Variants in HOXA10 observed in about 807,000 individuals in gnomAD.
HOXA10 encodes homeobox protein Hox-A10.
Under a neutral mutation model 29.7 loss-of-function variants are expected in HOXA10, and 12 were observed. The observed-to-expected ratio is 0.40, with a 90% confidence interval of 0.26 to 0.65. HOXA10 has a LOEUF of 0.65. Ranked by LOEUF, HOXA10 falls within the 30% of genes least tolerant of loss-of-function variation. HOXA10 has a pLI of 0.37. For synonymous variants in HOXA10, 327 were observed against 280.7 expected, an observed-to-expected ratio of 1.16 and a Z score of -1.65; for missense variants, 656 against 585.9, an observed-to-expected ratio of 1.12 and a Z score of -1.24.
At position 27,170,878 on chromosome 7, in the gene HOXA10, T is replaced by A. The variant is rs746511841; in HGVS notation, c.*1021A>T. On this transcript the variant is annotated 3_prime_UTR_variant, in exon 2 of 2. Coordinates refer to ENST00000283921, the MANE Select transcript of HOXA10 (RefSeq NM_018951.4). The stretch of plus-strand genomic sequence containing the variant: ...ATGTAACTTCACAGTATAAAGGAAA[T>A]CCAAACAATGTCTCCCTTCTCTAGT... The A allele has an allele frequency of 1.3e-4, 58 of 454,348 alleles. 1 individual carries two copies. The highest frequency in any genetic ancestry group is 8.8e-4 in the South Asian group (57 of 64,474). 28.1% of individuals were successfully genotyped at this position (454,348 alleles called of 1,614,324 possible).
rs1327020844 is a variant in HOXA10, at chr7:27,170,829, T to C, written c.*1070A>G. ...TTTATAGTTTTTTTCTTTTTCTGCA[T>C]CTACAGGTTTGACCCTTTTATGCAT... On this transcript the variant is annotated 3_prime_UTR_variant, in exon 2 of 2. Coordinates refer to ENST00000283921, the MANE Select transcript of HOXA10 (RefSeq NM_018951.4). 1 of 453,828 alleles carries C rather than the reference T, an allele frequency of 2.2e-6. No individual in the cohort carries two copies. Among genetic ancestry groups the C allele is most frequent in the Non-Finnish European group, 4.4e-6 (1 of 226,696 alleles). 28.1% of individuals were successfully genotyped at this position (453,828 alleles called of 1,614,324 possible). A position where few individuals can be genotyped will look rare whatever the true frequency, so the allele number is the denominator to read the frequency against.
In HOXA10 at chr7:27,171,849, G is replaced by C; in HGVS notation, c.*50C>G. 6.3e-7 allele frequency: 1 copy of C among 1,599,564 alleles called. No homozygotes were observed. Among genetic ancestry groups the C allele is most frequent in the Non-Finnish European group, 8.6e-7 (1 of 1,167,082 alleles). ...CCTGGGCAGAGCCTGAAGACAGAGG[G>C]AGGGGACCAGCGCTCGGGAAGTGAA... On this transcript the variant is annotated 3_prime_UTR_variant, in exon 2 of 2. Transcript: ENST00000283921.
chr7:27,172,409 A>C, intron 1 of HOXA10: 1 of 587,710 alleles, frequency 1.7e-6, no homozygotes, highest in Admixed American at 3.0e-5. Flanking sequence ...CACTTTTCCA[A>C]ACACCTGTTT....
chr7:27,172,108 G>A lies in HOXA10; in HGVS notation c.1024C>T (p.Pro342Ser), dbSNP rs774544810. The A allele has an allele frequency of 6.2e-7, 1 of 1,614,130 alleles. No individual in the cohort carries two copies. Among genetic ancestry groups the A allele is most frequent in the Non-Finnish European group, 8.5e-7 (1 of 1,180,002 alleles). ...TCCAGTGTCTGGTGCTTCGTGTAGG[G>A]GCAGCGCTTCTTCCGACCACTCTTT... The part of the protein sequence containing the change: ...TAKSGRKKRC[P>S]YTKHQTLELE... Residue 342 changes from proline (P) to serine (S), a missense_variant, in exon 2 of 2, where the codon CCC (proline) becomes TCC (serine). Around this residue, in one of 2 missense-constraint regions of HOXA10, gnomAD observed 62 missense variants for 94.0 expected, o/e 0.66. Transcript: ENST00000283921.
chr7:27,172,055 C>T lies in HOXA10; in HGVS notation c.1077G>A (p.Met359Ile), dbSNP rs2115450215. Residue 359 changes from methionine to isoleucine, a missense_variant, in exon 2 of 2, where the codon ATG (methionine) becomes ATA (isoleucine). Coordinates refer to ENST00000283921, the MANE Select transcript of HOXA10 (RefSeq NM_018951.4). ...CTAGGCGCCGCTCTCGAGTAAGGTA[C>T]ATATTGAACAGAAACTCCTTCTCCA... ...LELEKEFLFNMYLTRERRLEI... is the reference protein window; with the variant it reads ...LELEKEFLFNIYLTRERRLEI... The T allele has an allele frequency of 6.2e-7, 1 of 1,614,166 alleles. No homozygotes were observed. The highest frequency in any genetic ancestry group is 2.2e-5 in the East Asian group (1 of 44,882).
At position 27,170,872 on chromosome 7, in the gene HOXA10, A is replaced by T; in HGVS notation, c.*1027T>A. On this transcript the variant is annotated 3_prime_UTR_variant, in exon 2 of 2. Coordinates refer to ENST00000283921, the MANE Select transcript of HOXA10 (RefSeq NM_018951.4). Reference sequence around the variant, plus strand: ...TTATGCATGTAACTTCACAGTATAAAGGAAATCCAAACAATGTCTCCCTTC... The same window carrying T: ...TTATGCATGTAACTTCACAGTATAATGGAAATCCAAACAATGTCTCCCTTC... 4.4e-6 allele frequency: 2 copies of T among 454,548 alleles called. No homozygotes were observed. Among genetic ancestry groups the T allele is most frequent in the Non-Finnish European group, 8.8e-6 (2 of 226,796 alleles). 28.2% of individuals were successfully genotyped at this position (454,548 alleles called of 1,614,324 possible). A position where few individuals can be genotyped will look rare whatever the true frequency, so the allele number is the denominator to read the frequency against.
At position 27,174,138 on chromosome 7, in the gene HOXA10, A is replaced by AACCGCC. The variant is rs772925194; in HGVS notation, c.163_168dup (p.Gly55_Gly56dup). On this transcript the variant is annotated inframe_insertion, in exon 1 of 2. Coordinates refer to ENST00000283921, the MANE Select transcript of HOXA10 (RefSeq NM_018951.4). ...AGGTAGACCCCGCCGTGGGCGTAGTAACCGCCACCGCCGCCGCCCCCCGCG... is the reference window on the plus strand; with the variant it reads ...AGGTAGACCCCGCCGTGGGCGTAGTAACCGCCACCGCCACCGCCGCCGCCCCCCGCG... The AACCGCC allele has an allele frequency of 1.3e-5, 21 of 1,593,900 alleles. No individual in the cohort carries two copies. Among genetic ancestry groups the AACCGCC allele is most frequent in the Middle Eastern group, 2.0e-4 (1 of 4,890 alleles).
chr7:27,174,125 C>G lies in HOXA10; in HGVS notation c.182G>C (p.Gly61Ala), dbSNP rs779072679. Residue 61 changes from glycine (G) to alanine (A), a missense_variant, in exon 1 of 2, where the codon GGC becomes GCC. Around this residue, in one of 2 missense-constraint regions of HOXA10, gnomAD observed 594 missense variants for 491.9 expected, o/e 1.21. Coordinates refer to ENST00000283921, the MANE Select transcript of HOXA10 (RefSeq NM_018951.4). Reference protein sequence around the residue: ...GGGGGGYYAHGGVYLPPAADL... With the variant: ...GGGGGGYYAHAGVYLPPAADL... The stretch of plus-strand genomic sequence containing the variant: ...GGCGGCGGGCGGCAGGTAGACCCCG[C>G]CGTGGGCGTAGTAACCGCCACCGCC... The G allele has an allele frequency of 6.3e-7, 1 of 1,590,062 alleles. No individual in the cohort carries two copies. The highest frequency in any genetic ancestry group is 1.1e-5 in the South Asian group (1 of 90,682).
In HOXA10 at chr7:27,173,561, C is replaced by T; in HGVS notation, c.746G>A (p.Gly249Asp). Residue 249 changes from glycine to aspartate, a missense_variant, in exon 1 of 2, where the codon GGT becomes GAT. Coordinates refer to ENST00000283921, the MANE Select transcript of HOXA10 (RefSeq NM_018951.4). The stretch of plus-strand genomic sequence containing the variant: ...GGCTAGCGCGGGCGGGAGATCGAAA[C>T]CGCGCCCCGGGGGCTGCGCGGGGAA... ...GPFPAQPPGR[G>D]FDLPPALASG... 1 of 1,461,254 alleles carries T rather than the reference C, an allele frequency of 6.8e-7. No individual in the cohort carries two copies. The highest frequency in any genetic ancestry group is 9.0e-7 in the Non-Finnish European group (1 of 1,114,666). 90.5% of individuals were successfully genotyped at this position (1,461,254 alleles called of 1,614,324 possible). A position where few individuals can be genotyped will look rare whatever the true frequency, so the allele number is the denominator to read the frequency against.
Position 27,172,117 on chromosome 7 carries a change from T to A in HOXA10, c.1015A>T (p.Lys339Ter), listed in dbSNP as rs772324991. The change falls in exon 2 of 2, where the codon AAG becomes TAG. Residue 339 changes from lysine to a stop codon, truncating the protein, a stop_gained. Coordinates refer to ENST00000283921, the MANE Select transcript of HOXA10 (RefSeq NM_018951.4). LOFTEE classifies it high-confidence loss of function. ...TGGTGCTTCGTGTAGGGGCAGCGCT[T>A]CTTCCGACCACTCTTTGCCGTGAGC... is the stretch of plus-strand genomic sequence containing the variant. ...NWLTAKSGRK[K>*]RCPYTKHQTL... The A allele has an allele frequency of 6.2e-7, 1 of 1,614,198 alleles. No homozygotes were observed. Among genetic ancestry groups the A allele is most frequent in the Non-Finnish European group, 8.5e-7 (1 of 1,180,022 alleles).
At chr7:27,178,674 C>T (rs1783697150), upstream of HOXA10, among the ~76,000 whole-genome samples, 1 of 152,208 alleles carries the variant, frequency 6.6e-6, no homozygotes, top group Admixed American at 6.5e-5. Context: ...TCAACAAAGA[C>T]TAGTAACTAT....
rs1464129466 is a variant in HOXA10 at position 27,171,859 on chromosome 7, G to A, written c.*40C>T. ...GCCTGAAGACAGAGGGAGGGGACCA[G>A]CGCTCGGGAAGTGAAAAAACCGCGT... On this transcript the variant is annotated 3_prime_UTR_variant, in exon 2 of 2. Coordinates refer to ENST00000283921, the MANE Select transcript of HOXA10 (RefSeq NM_018951.4). The A allele has an allele frequency of 1.9e-6, 3 of 1,611,188 alleles. No individual in the cohort carries two copies. Among genetic ancestry groups the A allele is most frequent in the Non-Finnish European group, 2.5e-6 (3 of 1,177,618 alleles).
At chr7:27,178,558 G>T (rs558490371), upstream of HOXA10, among the ~76,000 whole-genome samples, 2 of 152,204 alleles carry the variant, frequency 1.3e-5, no homozygotes, top group South Asian at 4.1e-4. Flanking sequence ...AACTGGAGGC[G>T]GCTCTGGCAT....
chr7:27,179,603 C>T (rs750177908), intron 1 of HOXA10: 6 of 771,408 alleles, frequency 7.8e-6, no homozygotes, highest in Non-Finnish European at 1.4e-5. Context: ...CCTCCCCACT[C>T]CCGCCCCACC....
upstream of HOXA10, among the ~76,000 whole-genome samples, chr7:27,177,190 T>G (rs987745546): frequency 8.5e-5 from 13 of 152,254 alleles, no homozygotes; most frequent in Non-Finnish European, 1.6e-4. Context: ...CTGGGAGGCC[T>G]GCTATGGGCC....
In HOXA10 at chr7:27,171,561, G is replaced by C. The variant is rs1429317954; in HGVS notation, c.*338C>G. 4.1e-6 allele frequency: 2 copies of C among 487,270 alleles called. No individual in the cohort carries two copies. The highest frequency in any genetic ancestry group is 8.0e-6 in the Non-Finnish European group (2 of 248,932). 30.2% of individuals were successfully genotyped at this position (487,270 alleles called of 1,614,324 possible). A position where few individuals can be genotyped will look rare whatever the true frequency, so the allele number is the denominator to read the frequency against. On this transcript the variant is annotated 3_prime_UTR_variant, in exon 2 of 2. Transcript: ENST00000283921. ...CCCAGGCTGGGCAGGAAACCAGCTC[G>C]GCCGAAGACAGGGGCCATTTCGAGC...
At chr7:27,177,521 G>A (rs761451301), upstream of HOXA10, among the ~76,000 whole-genome samples, 2 of 152,114 alleles carry the variant, frequency 1.3e-5, no homozygotes, top group Non-Finnish European at 2.9e-5. Context: ...CAAGTTAAAC[G>A]CCTCCTTGGC....
At chr7:27,172,366 A>G (rs1173453358) in intron 1 of HOXA10, 193 bp from the exon 2 acceptor site, 1 of 624,372 alleles carries the variant, frequency 1.6e-6, no homozygotes, top group Non-Finnish European at 2.8e-6. Context: ...GTGGGCCTTC[A>G]ATCTACATGA....
rs201915532 is a variant in HOXA10 at position 27,173,609 on chromosome 7, G to T, written c.698C>A (p.Ala233Glu). Reference sequence around the variant, plus strand: ...GAACGGGCCAGCCCCGAGTTGCTGCGCGCCGCCGCCGCCGCTGCCATAGCC... The same window carrying T: ...GAACGGGCCAGCCCCGAGTTGCTGCTCGCCGCCGCCGCCGCTGCCATAGCC... Reference protein sequence around the residue: ...AKGYGSGGGGAQQLGAGPFPA... With the variant: ...AKGYGSGGGGEQQLGAGPFPA... The change falls in exon 1 of 2, where the codon GCG (alanine) becomes GAG (glutamate). Residue 233 changes from alanine (A) to glutamate (E), a missense_variant. Ala to Glu is a moderately radical substitution (Grantham distance 107). This residue lies in a region of HOXA10 where 594 missense variants were observed against 491.9 expected (regional missense o/e 1.21). Transcript: ENST00000283921. The T allele has an allele frequency of 2.0e-6, 3 of 1,531,482 alleles. No individual in the cohort carries two copies. Among genetic ancestry groups the T allele is most frequent in the African/African-American group, 1.4e-5 (1 of 70,880 alleles). 94.9% of individuals were successfully genotyped at this position (1,531,482 alleles called of 1,614,324 possible). A position where few individuals can be genotyped will look rare whatever the true frequency, so the allele number is the denominator to read the frequency against.
Sources: allele counts gnomAD v4.1 joint callset (sites outside exome capture counted in the v4.1 genomes callset), GRCh38; gene constraint gnomAD v4.1.1; regional missense constraint gnomAD v4.1.1; transcripts MANE v1.5; gene names NCBI Gene and HGNC (gene_info 2026-07-23, HGNC 2026-07-21).